Variants in NEGR1 observed in about 807,000 individuals in gnomAD.
NEGR1 encodes neuronal growth regulator 1.
NEGR1 carries 10 observed loss-of-function variants against 40.9 expected under a neutral mutation model. The ratio of observed to expected loss-of-function variants is 0.24; its 90% CI spans 0.15 to 0.42. NEGR1 has a LOEUF of 0.42. Among genes scored for constraint, NEGR1 ranks in the 10% least tolerant of loss-of-function variants. NEGR1 has a pLI of 1.00. For missense variants in NEGR1, 352 were observed against 438.9 expected (o/e 0.80, Z 1.77); for synonymous variants, 185 against 166.8 (o/e 1.11, Z -0.84).
chr1:71,887,514 T>G (rs1660755961), intron 2 of NEGR1, among the ~76,000 whole-genome samples: 1 of 152,204 alleles, frequency 6.6e-6, no homozygotes, highest in African/African-American at 2.4e-5. Flanking sequence ...TAATTTATTT[T>G]TTCTTTAATA....
chr1:71,527,100 T>C (rs1647225876), intron 6 of NEGR1, among the ~76,000 whole-genome samples: 1 of 151,570 alleles, frequency 6.6e-6, no homozygotes, highest in Admixed American at 6.6e-5. Flanking sequence ...ATTACACATA[T>C]TTCTCTTATA....
At chr1:71,595,413 C>T (rs765550023) in intron 5 of NEGR1, among the ~76,000 whole-genome samples, 1 of 152,188 alleles carries the variant, frequency 6.6e-6, no homozygotes, top group Non-Finnish European at 1.5e-5. Flanking sequence ...TCAAACATCA[C>T]GTAAGAACCT....
chr1:71,506,774 G>A (rs139770070), intron 6 of NEGR1, among the ~76,000 whole-genome samples: 2 of 151,774 alleles, frequency 1.3e-5, no homozygotes, highest in African/African-American at 2.4e-5. Flanking sequence ...TTTGTGAATG[G>A]GTCATCCAAA....
chr1:71,505,909 G>A, intron 6 of NEGR1, among the ~76,000 whole-genome samples: 1 of 152,102 alleles, frequency 6.6e-6, no homozygotes, highest in South Asian at 2.1e-4. Context: ...AAACCACTGT[G>A]AGCTTACTTA....
intron 2 of NEGR1, among the ~76,000 whole-genome samples, chr1:71,823,690 G>A (rs1658513812): frequency 6.6e-6 from 1 of 151,974 alleles, no homozygotes; most frequent in African/African-American, 2.4e-5. Context: ...TCCAGTCCAT[G>A]TTTTGTTTCT....
intron 4 of NEGR1, among the ~76,000 whole-genome samples, chr1:71,651,443 CAG>C (rs1346596771): frequency 6.6e-6 from 1 of 152,146 alleles, no homozygotes; most frequent in Non-Finnish European, 1.5e-5. Flanking sequence ...GTAAGAAATG[CAG>C]AGTCTATAAA....
chr1:71,414,806 G>C (rs137855046), intron 6 of NEGR1, among the ~76,000 whole-genome samples: 15 of 152,226 alleles, frequency 9.9e-5, no homozygotes, highest in Middle Eastern at 3.4e-3. Context: ...GAGATTTTCT[G>C]TCTGTTTGTT....
At chr1:72,207,013 C>T (rs1294875230) in intron 1 of NEGR1, among the ~76,000 whole-genome samples, 1 of 149,758 alleles carries the variant, frequency 6.7e-6, no homozygotes, top group African/African-American at 2.5e-5. Flanking sequence ...ATAAGTTATT[C>T]CTAACAAGTG....
chr1:72,255,478 T>A (rs547748428), intron 1 of NEGR1, among the ~76,000 whole-genome samples: 8 of 152,050 alleles, frequency 5.3e-5, no homozygotes, highest in Non-Finnish European at 7.4e-5. Flanking sequence ...GTTGATATAC[T>A]CTGACCCTTG....
intron 1 of NEGR1, among the ~76,000 whole-genome samples, chr1:72,035,858 G>A (rs547165718): frequency 6.6e-6 from 1 of 152,156 alleles, no homozygotes; most frequent in East Asian, 1.9e-4. Context: ...AAAATGCTCT[G>A]GAAAAGCTCA....
At chr1:72,187,413 T>C (rs1306151698) in intron 1 of NEGR1, among the ~76,000 whole-genome samples, 4 of 151,512 alleles carry the variant, frequency 2.6e-5, no homozygotes, top group African/African-American at 4.8e-5. Flanking sequence ...ATCTCAATTC[T>C]TAATTTATTT....
chr1:71,948,511 G>GAC (rs1646041401), intron 1 of NEGR1, among the ~76,000 whole-genome samples: 1 of 151,740 alleles, frequency 6.6e-6, no homozygotes, highest in African/African-American at 2.4e-5. Flanking sequence ...GAGAGAGAGA[G>GAC]AGAGAGACAG....
chr1:72,186,914 G>A (rs1652633160), intron 1 of NEGR1, among the ~76,000 whole-genome samples: 1 of 151,538 alleles, frequency 6.6e-6, no homozygotes, highest in Non-Finnish European at 1.5e-5. Flanking sequence ...CACCACTAGA[G>A]GGAAGTGATA....
intron 2 of NEGR1, among the ~76,000 whole-genome samples, chr1:71,894,843 G>A (rs1660922076): frequency 6.6e-6 from 1 of 152,134 alleles, no homozygotes; most frequent in Admixed American, 6.5e-5. Context: ...AGGAGTTTGA[G>A]GATATAGTGT....
intron 3 of NEGR1, among the ~76,000 whole-genome samples, chr1:71,752,583 T>C (rs1201676037): frequency 6.6e-6 from 1 of 152,204 alleles, no homozygotes; most frequent in African/African-American, 2.4e-5. Context: ...AACCTATCTT[T>C]GGTTTATGAA....
At chr1:71,770,784 A>G (rs1656289885) in intron 3 of NEGR1, among the ~76,000 whole-genome samples, 1 of 152,248 alleles carries the variant, frequency 6.6e-6, no homozygotes, top group African/African-American at 2.4e-5. Context: ...GGCAATCATT[A>G]AAAAGTCAGG....
chr1:71,840,109 C>G (rs781700756), intron 2 of NEGR1, among the ~76,000 whole-genome samples: 116 of 152,068 alleles, frequency 7.6e-4, no homozygotes, highest in Admixed American at 1.1e-3. Flanking sequence ...AATATAATTC[C>G]TGGAAGTGCT....
intron 3 of NEGR1, among the ~76,000 whole-genome samples, chr1:71,749,790 C>A (rs1471130244): frequency 1.3e-5 from 2 of 152,162 alleles, no homozygotes; most frequent in African/African-American, 2.4e-5. Flanking sequence ...TCTCCTCCAG[C>A]ATTTTAAAGC....
intron 3 of NEGR1, among the ~76,000 whole-genome samples, chr1:71,738,925 T>A (rs1035591423): frequency 6.6e-6 from 1 of 152,096 alleles, no homozygotes; most frequent in Non-Finnish European, 1.5e-5. Context: ...ATTGTTTCCT[T>A]ATTCAGTTTA....
Sources: allele counts gnomAD v4.1 joint callset (sites outside exome capture counted in the v4.1 genomes callset), GRCh38; gene constraint gnomAD v4.1.1; transcripts MANE v1.5; gene names NCBI Gene and HGNC (gene_info 2026-07-23, HGNC 2026-07-21).